DOCK1: variants seen among roughly 807,000 people sequenced by gnomAD.
The protein encoded by DOCK1 is dedicator of cytokinesis 1, also known as dedicator of cytokinesis protein 1.
DOCK1 carries 138 observed loss-of-function variants against 262.7 expected under a neutral mutation model. The ratio of observed to expected loss-of-function variants is 0.53; its 90% confidence interval spans 0.46 to 0.61. The LOEUF (loss-of-function observed/expected upper bound fraction) is 0.61. Among genes scored for constraint, DOCK1 ranks in the 20% least tolerant of loss-of-function variants. The probability of loss-of-function intolerance (pLI) is 0.00; values close to 1 mark genes in which losing one functional copy is unlikely to be tolerated. For synonymous variants in DOCK1, 866 were observed against 867.4 expected (o/e 1.00, Z 0.03); for missense variants, 1,908 against 2,370.7 (o/e 0.80, Z 4.05).
chr10:127,132,762 A>G (rs1182518038), intron 27 of DOCK1, among the ~76,000 whole-genome samples: 1 of 152,168 alleles, frequency 6.6e-6, no homozygotes, highest in Non-Finnish European at 1.5e-5. Flanking sequence ...TGCTTCTTTC[A>G]AATGATCAGA....
intron 29 of DOCK1, among the ~76,000 whole-genome samples, chr10:127,282,268 G>C (rs1368289363): frequency 6.6e-6 from 1 of 150,834 alleles, no homozygotes; most frequent in Admixed American, 6.6e-5. Flanking sequence ...CTCTCTCTCT[G>C]TCTCTCATCT....
At chr10:126,958,255 C>T (rs2036908260) in intron 1 of DOCK1, among the ~76,000 whole-genome samples, 2 of 152,256 alleles carry the variant, frequency 1.3e-5, no homozygotes, top group East Asian at 3.9e-4. Flanking sequence ...TATATATGCC[C>T]ATTTGTTACA....
chr10:127,257,714 C>A, intron 29 of DOCK1: 1 of 294,090 alleles, frequency 3.4e-6, no homozygotes, highest in Non-Finnish European at 6.5e-6. Flanking sequence ...CACAGGGGTT[C>A]TGCTCGACGT....
chr10:127,047,766 T>C (rs994370210), intron 21 of DOCK1, among the ~76,000 whole-genome samples: 15 of 152,198 alleles, frequency 9.9e-5, no homozygotes, highest in African/African-American at 3.1e-4. Flanking sequence ...ATGCACTCTT[T>C]TTGTATCTGG....
At chr10:127,138,181 C>G (rs10829468) in intron 27 of DOCK1, among the ~76,000 whole-genome samples, 1 of 152,150 alleles carries the variant, frequency 6.6e-6, no homozygotes, top group Non-Finnish European at 1.5e-5. Context: ...TCTGTGCTCC[C>G]GTGAAATAGT....
intron 23 of DOCK1, among the ~76,000 whole-genome samples, chr10:127,096,298 C>T (rs1411261325): frequency 6.6e-6 from 1 of 152,070 alleles, no homozygotes; most frequent in Non-Finnish European, 1.5e-5. Flanking sequence ...CAGAGTGGGT[C>T]GAGGGGCACC....
intron 27 of DOCK1, among the ~76,000 whole-genome samples, chr10:127,243,090 A>G (rs1438907685): frequency 6.6e-6 from 1 of 152,190 alleles, no homozygotes; most frequent in Non-Finnish European, 1.5e-5. Context: ...CGATTGAGAC[A>G]GCTCTTGTCT....
intron 1 of DOCK1, among the ~76,000 whole-genome samples, chr10:126,922,534 G>T (rs755093354): frequency 1.3e-5 from 2 of 152,154 alleles, no homozygotes; most frequent in African/African-American, 2.4e-5. Context: ...TCACCAAGAG[G>T]ATGGTGCGAA....
At chr10:127,086,106 C>T (rs531055097) in intron 23 of DOCK1, among the ~76,000 whole-genome samples, 9 of 152,212 alleles carry the variant, frequency 5.9e-5, no homozygotes, top group East Asian at 3.9e-4. Context: ...TGACTCGGTG[C>T]GGGGATGCAA....
intron 29 of DOCK1, among the ~76,000 whole-genome samples, chr10:127,293,698 C>T (rs566043152): frequency 1.3e-5 from 2 of 152,336 alleles, no homozygotes; most frequent in South Asian, 2.1e-4. Context: ...AGATCAACCC[C>T]TCTGAAGCCA....
At chr10:126,920,983 G>A (rs373760118) in intron 1 of DOCK1, among the ~76,000 whole-genome samples, 6 of 152,118 alleles carry the variant, frequency 3.9e-5, no homozygotes, top group African/African-American at 1.4e-4. Context: ...GATCACCTGA[G>A]GTCAGGAGTT....
chr10:127,004,584 A>G (rs984294521), intron 10 of DOCK1, among the ~76,000 whole-genome samples: 2 of 151,822 alleles, frequency 1.3e-5, no homozygotes, highest in Non-Finnish European at 2.9e-5. Flanking sequence ...CGTCTCTACT[A>G]AAAAATACAA....
intron 24 of DOCK1, among the ~76,000 whole-genome samples, chr10:127,108,661 C>T (rs181359945): frequency 2.8e-4 from 42 of 152,310 alleles, no homozygotes; most frequent in Middle Eastern, 3.4e-3. Context: ...TCCCATGCCA[C>T]GAGGGCATCT....
intron 28 of DOCK1, among the ~76,000 whole-genome samples, chr10:127,249,021 C>G (rs957372247): frequency 1.3e-5 from 2 of 152,114 alleles, no homozygotes; most frequent in African/African-American, 4.8e-5. Flanking sequence ...CCCACCACCC[C>G]CTGGTCCATG....
At chr10:127,318,517 C>T (rs2062382259) in intron 29 of DOCK1, among the ~76,000 whole-genome samples, 1 of 152,182 alleles carries the variant, frequency 6.6e-6, no homozygotes, top group Non-Finnish European at 1.5e-5. Flanking sequence ...AGGATGGGGG[C>T]CCAGCACTGG....
At chr10:127,066,825 T>G (rs1432603248) in intron 23 of DOCK1, among the ~76,000 whole-genome samples, 2 of 152,264 alleles carry the variant, frequency 1.3e-5, no homozygotes, top group Admixed American at 1.3e-4. Flanking sequence ...ATGAAGACAC[T>G]GAGGCCTAGA....
intron 23 of DOCK1, among the ~76,000 whole-genome samples, chr10:127,071,335 A>G (rs1178763144): frequency 6.6e-6 from 1 of 152,152 alleles, no homozygotes; most frequent in Non-Finnish European, 1.5e-5. Context: ...TAATCAGGAG[A>G]GGTCTGGATA....
intron 27 of DOCK1, chr10:127,137,519 G>A (rs1025610833): frequency 3.3e-5 from 8 of 243,096 alleles, no homozygotes; most frequent in Admixed American, 5.1e-5. Context: ...CTGCCATCTC[G>A]CAGGTTGATA....
At chr10:127,172,331 A>G (rs2054651311) in intron 27 of DOCK1, among the ~76,000 whole-genome samples, 1 of 152,186 alleles carries the variant, frequency 6.6e-6, no homozygotes, top group Admixed American at 6.5e-5. Flanking sequence ...AGCAGATGCT[A>G]CTTCCCTTCC....
Sources: allele counts gnomAD v4.1 joint callset (sites outside exome capture counted in the v4.1 genomes callset), GRCh38; gene constraint gnomAD v4.1.1; transcripts MANE v1.5; gene names NCBI Gene and HGNC (gene_info 2026-07-23, HGNC 2026-07-21).